The following DZIP1 variants were observed in gnomAD, a reference collection of about 807,000 sequenced individuals.
DZIP1 encodes DAZ interacting zinc finger protein 1.
DZIP1 carries 97 observed loss-of-function variants against 107.6 expected under a neutral mutation model. The observed-to-expected ratio is 0.90, with a 90% CI of 0.77 to 1.07. The LOEUF (loss-of-function observed/expected upper bound fraction) is 1.07, where lower values mean the gene tolerates loss of function less well. DZIP1 is among the 50% of genes least tolerant of loss of function. The pLI is 0.00. For missense variants in DZIP1, 1,035 were observed against 1,063.6 expected (o/e 0.97, Z 0.37); for synonymous variants, 390 against 386.4 (o/e 1.01, Z -0.11).
At chr13:95,622,226 T>C in intron 9 of DZIP1, 117 bp downstream of exon 9, 4 of 1,300,128 alleles carry the variant, frequency 3.1e-6, no homozygotes, top group Non-Finnish European at 4.2e-6. Flanking sequence ...TAACAGCTAG[T>C]CACCTTCAGG....
intron 19 of DZIP1, among the ~76,000 whole-genome samples, 160 bp downstream of exon 19, chr13:95,588,994 A>G (rs964706725): frequency 2.0e-5 from 3 of 152,230 alleles, no homozygotes; most frequent in African/African-American, 7.2e-5. Context: ...ATAAAGAAAC[A>G]AAGACATGTC....
rs768631521 is a variant in DZIP1 at position 95,590,376 on chromosome 13, A to G, written c.1746T>C (p.His582=). The change falls in exon 17 of 23, where the codon CAT becomes CAC. Residue 582 remains histidine, a synonymous_variant. Coordinates refer to ENST00000376829, the MANE Select transcript of DZIP1 (RefSeq NM_198968.4). ...RVLKSVESER[H]KQEREIPNFH... ...AGTTAGGTATTTCTCTTTCTTGCTTATGTCTTTCTGATTCCACACTTTTTA... is the reference window on the plus strand; with the variant it reads ...AGTTAGGTATTTCTCTTTCTTGCTTGTGTCTTTCTGATTCCACACTTTTTA... 6.2e-7 allele frequency: 1 copy of G among 1,613,864 alleles called. No homozygotes were observed.
chr13:95,640,029 T>A (rs1878310544), intron 5 of DZIP1, among the ~76,000 whole-genome samples: 1 of 151,540 alleles, frequency 6.6e-6, no homozygotes, highest in Non-Finnish European at 1.5e-5. Context: ...ATTCTCACTC[T>A]GTTGCCAGGC....
Position 95,641,391 on chromosome 13 carries a change from C to G in DZIP1, c.501G>C (p.Ala167=). 1 of 1,614,100 alleles carries G rather than the reference C, an allele frequency of 6.2e-7. No individual in the cohort carries two copies. The highest frequency in any genetic ancestry group is 8.5e-7 in the Non-Finnish European group (1 of 1,179,984). The stretch of plus-strand genomic sequence containing the variant: ...CTTCCTTGAGCGTCTTGATCTCCCC[C>G]GCCTGCTTGGTGAGCAGCTTCTTGC... The part of the protein sequence containing the change: ...EQSKKLLTKQ[A]GEIKTLKEEC... The change falls in exon 5 of 23, where the codon GCG becomes GCC. Residue 167 remains alanine (A), a synonymous_variant. Coordinates refer to ENST00000376829, the MANE Select transcript of DZIP1 (RefSeq NM_198968.4). This position sits in a 1 kb window ranked among gnomAD's most constrained non-coding sequence, Gnocchi z 4.3.
chr13:95,587,370 T>C (rs1294377221), intron 20 of DZIP1, among the ~76,000 whole-genome samples, 169 bp downstream of exon 20: 1 of 152,108 alleles, frequency 6.6e-6, no homozygotes. Flanking sequence ...TTCCTCTCCT[T>C]CAACTGGAAT....
In DZIP1 at chr13:95,584,820, G is replaced by T. The variant is rs143254972; in HGVS notation, c.2440C>A (p.Pro814Thr). ...TGTGGTTCATTTTTCGCAGGTGGAG[G>T]TTCCTTCTGTTCTTTCCCAGATTTT... ...GKKSGKEQKE[P>T]PPAKNEPHFA... Residue 814 changes from proline (P) to threonine (T), a missense_variant, in exon 22 of 23, where the codon CCT becomes ACT. By Grantham distance (38) the Pro-to-Thr change is conservative. Coordinates refer to ENST00000376829, the MANE Select transcript of DZIP1 (RefSeq NM_198968.4). The T allele has an allele frequency of 3.0e-5, 49 of 1,613,948 alleles. No homozygotes were observed. Among genetic ancestry groups the T allele is most frequent in the Non-Finnish European group, 3.8e-5 (45 of 1,179,996 alleles).
intron 5 of DZIP1, chr13:95,636,950 T>A (rs1003902766): frequency 6.6e-6 from 1 of 151,880 alleles, no homozygotes; most frequent in African/African-American, 2.4e-5. Context: ...GACTCTTCAG[T>A]CATGCAGGCA....
At chr13:95,640,059 C>G (rs190509370) in intron 5 of DZIP1, among the ~76,000 whole-genome samples, 177 of 150,728 alleles carry the variant, frequency 1.2e-3, no homozygotes, top group Non-Finnish European at 2.0e-3. Flanking sequence ...GTGGCGCTAT[C>G]TTGGCTCACT....
chr13:95,590,183 T>C lies in DZIP1; in HGVS notation c.1843+96A>G, dbSNP rs148252084. ...GAAGTTTGTTAACCATTTAAAATTA[T>C]AATAATTTGTTTAATGATATCTTGT... On this transcript the variant is annotated intron_variant, in intron 17 of 22. Transcript: ENST00000376829. The C allele has an allele frequency of 1.3e-4, 161 of 1,244,982 alleles. 1 individual carries two copies. In the East Asian group the frequency reaches 3.4e-3, roughly 26 times the overall value. The allele number at this position is 1,244,982 out of a possible 1,614,324, so 77.1% of individuals were successfully genotyped here.
chr13:95,600,625 T>TAGACAGACAGACAGACAGACAGAC (rs1453410238), intron 14 of DZIP1, among the ~76,000 whole-genome samples: 1 of 125,208 alleles, frequency 8.0e-6, no homozygotes, highest in Non-Finnish European at 1.6e-5. Flanking sequence ...GATAGATAGA[T>TAGACAGACAGACAGACAGACAGAC]AGATAGACAG....
chr13:95,618,530 T>C (rs188697520), intron 10 of DZIP1, among the ~76,000 whole-genome samples: 88 of 152,384 alleles, frequency 5.8e-4, no homozygotes, highest in Middle Eastern at 3.4e-3. Flanking sequence ...AATATCTAAC[T>C]TTCCCATCGA....
intron 5 of DZIP1, among the ~76,000 whole-genome samples, chr13:95,635,619 G>A (rs1048603256): frequency 4.6e-5 from 7 of 152,114 alleles, no homozygotes; most frequent in Non-Finnish European, 7.3e-5. Context: ...CACCAGCTCT[G>A]ATGTAAGTCA....
chr13:95,590,544 G>A (rs1594649566), intron 16 of DZIP1, 103 bp from the exon 17 acceptor site: 1 of 1,205,648 alleles, frequency 8.3e-7, no homozygotes, highest in Non-Finnish European at 1.2e-6. Flanking sequence ...ATCCTTACAG[G>A]GCTCCAGTTG....
intron 5 of DZIP1, among the ~76,000 whole-genome samples, chr13:95,639,971 G>T (rs974802658): frequency 6.6e-6 from 1 of 150,470 alleles, no homozygotes; most frequent in African/African-American, 2.4e-5. Context: ...ATTCCTAATT[G>T]TTCCCTTATC....
intron 14 of DZIP1, among the ~76,000 whole-genome samples, chr13:95,602,609 A>G (rs921025830): frequency 6.6e-6 from 1 of 152,246 alleles, no homozygotes. Context: ...AGATAACTAC[A>G]TGTGGCATGT....
In DZIP1 at chr13:95,599,354, C is replaced by G; in HGVS notation, c.1537+11G>C. ...ATCTGTGCAGGTAAACCTGATCAAG[C>G]CCTTTGTTACCTTTTTCTTCCTCTG... On this transcript the variant is annotated intron_variant, in intron 15 of 22. Transcript: ENST00000376829. The G allele has an allele frequency of 1.2e-6, 2 of 1,612,160 alleles. No individual in the cohort carries two copies. The highest frequency in any genetic ancestry group is 1.7e-6 in the Non-Finnish European group (2 of 1,178,352).
intron 10 of DZIP1, among the ~76,000 whole-genome samples, chr13:95,615,798 G>A (rs1874981428): frequency 6.6e-6 from 1 of 152,120 alleles, no homozygotes; most frequent in Admixed American, 6.5e-5. Flanking sequence ...CAGTGACCGT[G>A]GGCAACACAG....
chr13:95,603,306 CAAAAAAAAAAAAAA>C (rs34995131), intron 14 of DZIP1, among the ~76,000 whole-genome samples: 3 of 47,964 alleles, frequency 6.3e-5, no homozygotes, highest in South Asian at 1.5e-3. Flanking sequence ...TGCCCAGTCT[CAAAAAAAAAAAAAA>C]AAAAAAAAAA....
At position 95,580,957 on chromosome 13, in the gene DZIP1, G is replaced by A. The variant is rs899357272; in HGVS notation, c.*1277C>T. 1 of 152,202 alleles carries A rather than the reference G, an allele frequency of 6.6e-6. No homozygotes were observed. Among genetic ancestry groups the A allele is most frequent in the Non-Finnish European group, 1.5e-5 (1 of 68,036 alleles). 9.4% of individuals were successfully genotyped at this position (152,202 alleles called of 1,614,324 possible). On this transcript the variant is annotated 3_prime_UTR_variant, in exon 23 of 23. Transcript: ENST00000376829. ...GCAGGAATGGGCTACAAGTAAAAAG[G>A]ATCCCAGGGTGGGTGGAAACAGATA... is the stretch of plus-strand genomic sequence containing the variant.
Sources: allele counts gnomAD v4.1 joint callset (sites outside exome capture counted in the v4.1 genomes callset), GRCh38; gene constraint gnomAD v4.1.1; non-coding constraint Gnocchi (gnomAD v3.1); transcripts MANE v1.5; gene names NCBI Gene and HGNC (gene_info 2026-07-23, HGNC 2026-07-21).